GPR39: variants seen among roughly 807,000 people sequenced by gnomAD.
The protein encoded by GPR39 is zinc sensing receptor.
GPR39 carries 23 observed loss-of-function variants against 18.4 expected under a neutral mutation model. The ratio of observed to expected loss-of-function variants is 1.25; its 90% CI spans 0.90 to 1.77. GPR39 has a LOEUF of 1.77. GPR39 is among the 40% of genes most tolerant of loss of function. The pLI is 0.00. For missense variants in GPR39, 647 were observed against 602.4 expected, an observed-to-expected ratio of 1.07 and a Z score of -0.78; for synonymous variants, 280 against 257.9, an observed-to-expected ratio of 1.09 and a Z score of -0.82.
intron 1 of GPR39, among the ~76,000 whole-genome samples, chr2:132,598,642 T>A (rs1278042176): frequency 2.0e-5 from 3 of 152,034 alleles, no homozygotes; most frequent in Non-Finnish European, 4.4e-5. Context: ...CTTTAAAATG[T>A]GAAGGGCAGG....
At chr2:132,503,965 T>G (rs2104752643) in intron 1 of GPR39, among the ~76,000 whole-genome samples, 1 of 152,324 alleles carries the variant, frequency 6.6e-6, no homozygotes, top group East Asian at 1.9e-4. Context: ...CCAACAGCAC[T>G]GAGTCTATTT....
intron 1 of GPR39, among the ~76,000 whole-genome samples, chr2:132,576,905 T>C (rs139099781): frequency 1.0e-3 from 154 of 152,332 alleles, no homozygotes; most frequent in Admixed American, 1.9e-3. Context: ...GGCATGCTTA[T>C]CAAAAATCGG....
intron 1 of GPR39, among the ~76,000 whole-genome samples, chr2:132,508,215 G>A (rs1041672291): frequency 1.3e-5 from 2 of 152,104 alleles, no homozygotes; most frequent in Non-Finnish European, 2.9e-5. Flanking sequence ...AAATTCCAAG[G>A]GTTTAAAGGC....
chr2:132,608,526 C>T (rs747767064), intron 1 of GPR39, among the ~76,000 whole-genome samples: 3 of 152,200 alleles, frequency 2.0e-5, no homozygotes, highest in Non-Finnish European at 2.9e-5. Context: ...TAGCTGTTTA[C>T]AGTCAAAGCC....
At chr2:132,552,088 A>G (rs1239422611) in intron 1 of GPR39, among the ~76,000 whole-genome samples, 1 of 152,232 alleles carries the variant, frequency 6.6e-6, no homozygotes, top group Non-Finnish European at 1.5e-5. Flanking sequence ...GGAAAAAAAT[A>G]TATCTATACT....
chr2:132,593,940 A>C (rs957288896), intron 1 of GPR39, among the ~76,000 whole-genome samples: 6 of 152,246 alleles, frequency 3.9e-5, no homozygotes, highest in South Asian at 2.1e-4. Context: ...CGTTGCCTAG[A>C]AACTCATTCC....
intron 1 of GPR39, among the ~76,000 whole-genome samples, chr2:132,517,306 T>C (rs1278811769): frequency 6.6e-6 from 1 of 151,892 alleles, no homozygotes; most frequent in African/African-American, 2.4e-5. Flanking sequence ...GGGAGGTTAG[T>C]TGGGGGAAGG....
At chr2:132,493,032 C>CAT (rs1444833681) in intron 1 of GPR39, among the ~76,000 whole-genome samples, 2 of 119,612 alleles carry the variant, frequency 1.7e-5, no homozygotes, top group Admixed American at 8.8e-5. Context: ...ATATATATAC[C>CAT]ATATATATAC....
intron 1 of GPR39, among the ~76,000 whole-genome samples, chr2:132,617,739 T>C (rs1203111367): frequency 6.6e-6 from 1 of 152,318 alleles, no homozygotes; most frequent in East Asian, 1.9e-4. Context: ...TTTAAATACT[T>C]GTGAAAATTC....
chr2:132,510,490 T>G (rs985254542), intron 1 of GPR39, among the ~76,000 whole-genome samples: 3 of 152,244 alleles, frequency 2.0e-5, no homozygotes, highest in Admixed American at 2.0e-4. Context: ...AAGGACATAC[T>G]GTTTTTCAGG....
In GPR39 at chr2:132,623,099, G is replaced by T. The variant is rs907507072; in HGVS notation, c.857-22002G>T. ...TGCACTCCAGCCTGGGTGACAAAGC[G>T]AGACTCTGTCTCAAATAAATAAATA... On this transcript the variant is annotated intron_variant, in intron 1 of 1. Coordinates refer to ENST00000329321, the MANE Select transcript of GPR39 (RefSeq NM_001508.3). 1.4e-4 allele frequency among the ~76,000 whole-genome samples: 22 copies of T among 152,232 alleles called. 1 individual carries two copies. Among genetic ancestry groups the T allele is most frequent in the African/African-American group, 5.1e-4 (21 of 41,538 alleles).
chr2:132,569,534 G>C (rs1040553360), intron 1 of GPR39, among the ~76,000 whole-genome samples: 1 of 151,658 alleles, frequency 6.6e-6, no homozygotes, highest in African/African-American at 2.4e-5. Context: ...GGGCTGTGGA[G>C]CTCTGTGGGG....
At chr2:132,633,338 C>T (rs906918208) in intron 1 of GPR39, among the ~76,000 whole-genome samples, 3 of 139,106 alleles carry the variant, frequency 2.2e-5, no homozygotes, top group South Asian at 5.0e-4. Context: ...CCAAATACCT[C>T]TGTGTGTGTG....
intron 1 of GPR39, among the ~76,000 whole-genome samples, chr2:132,425,818 A>G (rs1314614897): frequency 6.6e-6 from 1 of 152,102 alleles, no homozygotes; most frequent in East Asian, 1.9e-4. Context: ...GAATATAGGT[A>G]GGTTCTAGGA....
intron 1 of GPR39, among the ~76,000 whole-genome samples, chr2:132,456,416 T>G (rs895205045): frequency 2.0e-5 from 3 of 152,164 alleles, no homozygotes; most frequent in African/African-American, 7.2e-5. Flanking sequence ...CACTGATGGG[T>G]CTTGACTCTT....
chr2:132,477,379 C>A (rs906160244), intron 1 of GPR39, among the ~76,000 whole-genome samples: 2 of 152,028 alleles, frequency 1.3e-5, no homozygotes, highest in East Asian at 1.9e-4. Flanking sequence ...CCAGCCTGAG[C>A]AACATAGTGA....
intron 1 of GPR39, among the ~76,000 whole-genome samples, chr2:132,547,789 TAA>T (rs1277099684): frequency 1.3e-5 from 2 of 152,162 alleles, no homozygotes; most frequent in Non-Finnish European, 2.9e-5. Context: ...TAAATAAAGA[TAA>T]AAGTCTCAAA....
intron 1 of GPR39, among the ~76,000 whole-genome samples, chr2:132,483,534 T>C (rs1311301052): frequency 6.6e-6 from 1 of 152,230 alleles, no homozygotes; most frequent in Non-Finnish European, 1.5e-5. Flanking sequence ...TGATTGGCCG[T>C]TCTGGTCTCA....
chr2:132,519,893 C>T (rs1156464538), intron 1 of GPR39, among the ~76,000 whole-genome samples: 4 of 152,188 alleles, frequency 2.6e-5, no homozygotes, highest in African/African-American at 9.7e-5. Flanking sequence ...TCATCCTCTA[C>T]CCAGCTGTCA....
Sources: gnomAD v4.1 joint callset for allele counts (sites outside exome capture counted in the v4.1 genomes callset) on GRCh38, gnomAD v4.1.1 for gene constraint, MANE v1.5 for transcripts, NCBI Gene and HGNC (gene_info 2026-07-23, HGNC 2026-07-21) for gene names.